The following GCH1 variants were observed in gnomAD, a reference collection of about 807,000 sequenced individuals.
GCH1 encodes GTP cyclohydrolase I.
In GCH1, 5 loss-of-function variants were observed where a neutral mutation model predicts 25.9. That is an observed-to-expected ratio of 0.19 (90% CI 0.10 to 0.41). The LOEUF (loss-of-function observed/expected upper bound fraction) is 0.41. Among genes scored for constraint, GCH1 ranks in the 10% least tolerant of loss-of-function variants. The pLI is 1.00. For missense variants in GCH1, 261 were observed against 336.5 expected (o/e 0.78, Z 1.75); for synonymous variants, 159 against 129.6 (o/e 1.23, Z -1.54).
chr14:54,872,151 G>A (rs575462555), intron 1 of GCH1, among the ~76,000 whole-genome samples: 6 of 152,084 alleles, frequency 3.9e-5, no homozygotes, highest in Non-Finnish European at 8.8e-5. Context: ...CTGATCTCTC[G>A]GCAGAAACTC....
At chr14:54,896,777 G>A (rs1231885663) in intron 1 of GCH1, among the ~76,000 whole-genome samples, 6 of 151,570 alleles carry the variant, frequency 4.0e-5, no homozygotes, top group East Asian at 2.0e-4. Context: ...AAAATTAGCC[G>A]GGTGTGGTAG....
intron 3 of GCH1, chr14:54,859,372 G>C (rs1308762076): frequency 5.0e-6 from 2 of 399,828 alleles, no homozygotes; most frequent in African/African-American, 4.1e-5. Context: ...TTAAAGGATG[G>C]GGCTGGACTG....
intron 1 of GCH1, among the ~76,000 whole-genome samples, chr14:54,867,506 T>C (rs2040004755): frequency 6.9e-6 from 1 of 145,510 alleles, no homozygotes; most frequent in Non-Finnish European, 1.5e-5. Context: ...GAGAATTGCT[T>C]GAACCCGGGA....
chr14:54,849,480 G>T (rs950146040), intron 3 of GCH1, among the ~76,000 whole-genome samples: 62 of 152,154 alleles, frequency 4.1e-4, no homozygotes, highest in Admixed American at 1.3e-4. Flanking sequence ...CAGTGTAACT[G>T]CTGTTGCCTT....
chr14:54,873,897 C>G (rs1387525965), intron 1 of GCH1, among the ~76,000 whole-genome samples: 3 of 152,166 alleles, frequency 2.0e-5, no homozygotes, highest in Non-Finnish European at 2.9e-5. Context: ...GGATTCACAG[C>G]CGAATTCTAC....
At chr14:54,875,359 C>T (rs11626155) in intron 1 of GCH1, among the ~76,000 whole-genome samples, 32,165 of 152,062 alleles carry the variant, frequency 0.21, 3,477 homozygotes, top group African/African-American at 0.24. Context: ...AGACCTAAAA[C>T]CATAAAAACC....
intron 1 of GCH1, among the ~76,000 whole-genome samples, chr14:54,891,503 G>A (rs372415709): frequency 3.3e-5 from 5 of 149,438 alleles, no homozygotes; most frequent in African/African-American, 7.4e-5. Flanking sequence ...TCCGCCTCCC[G>A]GGTTCAAGTG....
intron 1 of GCH1, among the ~76,000 whole-genome samples, chr14:54,900,842 A>ATCTC (rs1022835010): frequency 2.1e-5 from 2 of 95,202 alleles, no homozygotes; most frequent in Admixed American, 2.9e-4. Flanking sequence ...ATTGTGAAAT[A>ATCTC]TCTCACACAC....
Position 54,842,812 on chromosome 14 carries a change from G to C in GCH1, c.*1205C>G. ...GCTGCCCCAATGGAGGAAATTTTAA[G>C]ATAATCATTAATAAGGCAACAGCTT... On this transcript the variant is annotated 3_prime_UTR_variant, in exon 6 of 6. Transcript: ENST00000491895. The C allele has an allele frequency of 2.4e-6, 1 of 408,272 alleles. No homozygotes were observed. The highest frequency in any genetic ancestry group is 4.3e-6 in the Non-Finnish European group (1 of 229,970). The allele number at this position is 408,272 out of a possible 1,614,324, so 25.3% of individuals were successfully genotyped here.
At chr14:54,878,876 A>G (rs912576641) in intron 1 of GCH1, among the ~76,000 whole-genome samples, 1 of 151,856 alleles carries the variant, frequency 6.6e-6, no homozygotes, top group African/African-American at 2.4e-5. Flanking sequence ...CAATCCTCCC[A>G]CCTTGGCCTC....
chr14:54,885,087 T>C lies in GCH1; in HGVS notation c.343+17234A>G, dbSNP rs535659818. On this transcript the variant is annotated intron_variant, in intron 1 of 5. Transcript: ENST00000491895. ...AACCACCAGTCAGCTGCATTTGTTG[T>C]CATCTGTTGTCCTGGATGTCAGTAC... 1.3e-5 allele frequency: 4 copies of C among 310,398 alleles called. No homozygotes were observed. The South Asian group carries it at 1.5e-4, about 11-fold the overall frequency. The allele number at this position is 310,398 out of a possible 1,614,324, so 19.2% of individuals were successfully genotyped here. A position where few individuals can be genotyped will look rare whatever the true frequency, so the allele number is the denominator to read the frequency against.
chr14:54,845,633 C>T, intron 5 of GCH1, 135 bp downstream of exon 5: 1 of 729,930 alleles, frequency 1.4e-6, no homozygotes, highest in Non-Finnish European at 2.5e-6. Flanking sequence ...GAGCTTTAGG[C>T]TCAGGGATGG....
At position 54,902,616 on chromosome 14, in the gene GCH1, G is replaced by A; in HGVS notation, c.48C>T (p.Ala16=). The part of the protein sequence containing the change: ...VRAPAEKPRG[A]RCSNGFPERD... The stretch of plus-strand genomic sequence containing the variant: ...GCTCGGGGAACCCATTGCTGCACCT[G>A]GCGCCCCGCGGCTTCTCCGCCGGTG... The change falls in exon 1 of 6, where the codon GCC becomes GCT. Residue 16 remains alanine (A), a synonymous_variant. Transcript: ENST00000491895. 3 of 1,489,066 alleles carry A rather than the reference G, an allele frequency of 2.0e-6. No individual in the cohort carries two copies. Among genetic ancestry groups the A allele is most frequent in the Non-Finnish European group, 1.8e-6 (2 of 1,122,080 alleles). 92.2% of individuals were successfully genotyped at this position (1,489,066 alleles called of 1,614,324 possible).
At position 54,902,505 on chromosome 14, in the gene GCH1, C is replaced by T. The variant is rs886041708; in HGVS notation, c.159G>A (p.Trp53Ter). 1 of 1,603,558 alleles carries T rather than the reference C, an allele frequency of 6.2e-7. No individual in the cohort carries two copies. Among genetic ancestry groups the T allele is most frequent in the Non-Finnish European group, 8.5e-7 (1 of 1,176,188 alleles). Residue 53 changes from tryptophan to a stop codon, truncating the protein, a stop_gained, in exon 1 of 6, where the codon TGG (tryptophan) becomes TGA (stop). Transcript: ENST00000491895. LOFTEE classifies it high-confidence loss of function. ...EAKSAQPADG[W>*]KGERPRSEED... is the part of the protein sequence containing the mutation. ...CCTCGCTGCGGGGCCGCTCGCCCTT[C>T]CAGCCGTCCGCGGGCTGCGCGCTCT... is the stretch of plus-strand genomic sequence containing the variant.
intron 1 of GCH1, chr14:54,884,982 A>G: frequency 5.2e-6 from 1 of 190,780 alleles, no homozygotes; most frequent in South Asian, 9.6e-5. Flanking sequence ...CAGCAGATCC[A>G]GCTCCTCATA....
intron 1 of GCH1, among the ~76,000 whole-genome samples, chr14:54,890,621 T>C (rs1392727216): frequency 6.6e-6 from 1 of 152,208 alleles, no homozygotes; most frequent in Non-Finnish European, 1.5e-5. Flanking sequence ...ATAAAGGAGC[T>C]GGCCCTAATG....
At position 54,902,313 on chromosome 14, in the gene GCH1, G is replaced by T. The variant is rs370233441; in HGVS notation, c.343+8C>A. ...CCGCACGCTCTAGCAGCCCGCGGGC[G>T]CACTGACCTGAGATGGTCTCCTGGT... On this transcript the variant is annotated splice_region_variant and intron_variant, in intron 1 of 5. Transcript: ENST00000491895. 1.9e-5 allele frequency: 31 copies of T among 1,611,410 alleles called. No individual in the cohort carries two copies. The African/African-American group carries it at 3.9e-4, about 20-fold the overall frequency.
intron 1 of GCH1, among the ~76,000 whole-genome samples, chr14:54,868,847 G>A (rs947225955): frequency 5.3e-5 from 8 of 151,942 alleles, no homozygotes; most frequent in Admixed American, 3.3e-4. Flanking sequence ...TGATCCACCC[G>A]CCTCAGCCTC....
At chr14:54,902,205 C>T in intron 1 of GCH1, 116 bp downstream of exon 1, 1 of 1,180,020 alleles carries the variant, frequency 8.5e-7, no homozygotes, top group South Asian at 1.3e-5. Flanking sequence ...GTGACAGCGC[C>T]CGGCTTCCTG....
Sources: allele counts gnomAD v4.1 joint callset (sites outside exome capture counted in the v4.1 genomes callset), GRCh38; gene constraint gnomAD v4.1.1; transcripts MANE v1.5; gene names NCBI Gene and HGNC (gene_info 2026-07-23, HGNC 2026-07-21).